Variants in NAA25 observed in about 807,000 individuals in gnomAD.
NAA25 encodes the protein N-alpha-acetyltransferase 25, NatB auxiliary subunit.
Under a neutral mutation model 132.5 loss-of-function variants are expected in NAA25, and 30 were observed. The ratio of observed to expected loss-of-function variants is 0.23; its 90% CI spans 0.17 to 0.31. The LOEUF is 0.31. Among genes scored for constraint, NAA25 ranks in the 10% least tolerant of loss-of-function variants. The pLI is 1.00. For missense variants in NAA25, 771 were observed against 1,150.4 expected (o/e 0.67, Z 4.77); for synonymous variants, 359 against 401.9 (o/e 0.89, Z 1.28).
chr12:112,087,620 A>G, intron 4 of NAA25, 63 bp downstream of exon 4: 2 of 1,161,654 alleles, frequency 1.7e-6, no homozygotes, highest in Non-Finnish European at 2.6e-6. Context: ...TTAAATCACA[A>G]GAAAGAGACT....
At chr12:112,057,012 A>C (rs1450417640) in intron 13 of NAA25, among the ~76,000 whole-genome samples, 1 of 151,918 alleles carries the variant, frequency 6.6e-6, no homozygotes, top group Non-Finnish European at 1.5e-5. Flanking sequence ...ACATGGTAAA[A>C]CCCCGTCTCT....
intron 23 of NAA25, among the ~76,000 whole-genome samples, chr12:112,032,596 A>G (rs1012036763): frequency 2.0e-5 from 3 of 152,274 alleles, no homozygotes; most frequent in Middle Eastern, 6.8e-3. Flanking sequence ...CGACTCCACC[A>G]CTGTCCTTCT....
intron 13 of NAA25, among the ~76,000 whole-genome samples, chr12:112,057,236 A>C (rs2078560480): frequency 1.3e-5 from 2 of 152,176 alleles, no homozygotes; most frequent in African/African-American, 2.4e-5. Flanking sequence ...AAAATAAAAT[A>C]AAATAGTTTA....
chr12:112,053,762 G>T, intron 14 of NAA25, 105 bp from the exon 15 acceptor site: 1 of 616,530 alleles, frequency 1.6e-6, no homozygotes, highest in Non-Finnish European at 2.8e-6. Flanking sequence ...AAATAGCTAG[G>T]CATAAGAAAA....
Position 112,029,396 on chromosome 12 carries a change from T to G in NAA25, c.*135A>C, listed in dbSNP as rs552150175. On this transcript the variant is annotated 3_prime_UTR_variant, in exon 24 of 24. Transcript: ENST00000261745. ...GTATATATTTAACACCTAAAAAAAT[T>G]CACGATCAAAGTCCTTCATGCATTT... 8 of 1,400,148 alleles carry G rather than the reference T, an allele frequency of 5.7e-6. No individual in the cohort carries two copies. Among genetic ancestry groups the G allele is most frequent in the Middle Eastern group, 1.9e-4 (1 of 5,164 alleles). 86.7% of individuals were successfully genotyped at this position (1,400,148 alleles called of 1,614,324 possible).
At chr12:112,060,459 G>A in intron 12 of NAA25, 100 bp from the exon 13 acceptor site, 5 of 699,394 alleles carry the variant, frequency 7.1e-6, no homozygotes, top group South Asian at 1.9e-5. Context: ...GGGAGAGGAG[G>A]AAAAGTAAAA....
rs2078107110 is a variant in NAA25, at chr12:112,028,259, C to T, written c.*1272G>A. 1 of 152,424 alleles carries T rather than the reference C, an allele frequency of 6.6e-6. No individual in the cohort carries two copies. The highest frequency in any genetic ancestry group is 2.4e-5 in the African/African-American group (1 of 41,440). The allele number at this position is 152,424 out of a possible 1,614,324, so 9.4% of individuals were successfully genotyped here. A position where few individuals can be genotyped will look rare whatever the true frequency, so the allele number is the denominator to read the frequency against. On this transcript the variant is annotated 3_prime_UTR_variant, in exon 24 of 24. Transcript: ENST00000261745. ...ATTTCTTTGCTCTTACAGAATTAAA[C>T]TTGAACTATATTTAGGTAACAGACC...
chr12:112,054,663 C>A (rs1026105334), intron 13 of NAA25, 95 bp from the exon 14 acceptor site: 6 of 1,115,152 alleles, frequency 5.4e-6, no homozygotes, highest in South Asian at 4.9e-5. Context: ...CATCACCCCC[C>A]CCAATAAATG....
intron 3 of NAA25, among the ~76,000 whole-genome samples, chr12:112,089,901 G>A (rs1335458353): frequency 6.6e-6 from 1 of 151,394 alleles, no homozygotes; most frequent in African/African-American, 2.4e-5. Context: ...GCCGAGGCAG[G>A]AGAGGATGCA....
At chr12:112,054,640 A>C in intron 13 of NAA25, 72 bp from the exon 14 acceptor site, 3 of 1,363,686 alleles carry the variant, frequency 2.2e-6, no homozygotes, top group Non-Finnish European at 3.0e-6. Context: ...AAAAAACAAA[A>C]CCTTATTGAC....
intron 1 of NAA25, among the ~76,000 whole-genome samples, chr12:112,096,624 TA>T (rs775121115): frequency 6.6e-6 from 1 of 152,184 alleles, no homozygotes; most frequent in Non-Finnish European, 1.5e-5. Flanking sequence ...GAATCACAGA[TA>T]TCTAAAAGCA....
chr12:112,074,682 C>A lies in NAA25; in HGVS notation c.859G>T (p.Gly287Cys), dbSNP rs996702611. The A allele has an allele frequency of 1.2e-6, 2 of 1,603,962 alleles. No homozygotes were observed. The highest frequency in any genetic ancestry group is 1.7e-6 in the Non-Finnish European group (2 of 1,175,096). The change falls in exon 9 of 24, where the codon GGT becomes TGT. Residue 287 changes from glycine (G) to cysteine (C), a missense_variant. This residue lies in a region of NAA25 where 417 missense variants were observed against 733.8 expected (regional missense o/e 0.57). Transcript: ENST00000261745. ...GGAAAGAAGACAACTTACTGTTCAC[C>A]TTCAGCAGGAGGACTCCAGGCCTCT... ...IEEAWSPPAE[G>C]EHSLEGEVHY... is the part of the protein sequence containing the mutation.
intron 1 of NAA25, among the ~76,000 whole-genome samples, chr12:112,104,051 G>A (rs1189382387): frequency 2.0e-5 from 3 of 152,082 alleles, no homozygotes; most frequent in Non-Finnish European, 4.4e-5. Flanking sequence ...CCTAAACTAT[G>A]AACTATAGTG....
intron 17 of NAA25, among the ~76,000 whole-genome samples, chr12:112,045,499 A>AC (rs2078367183): frequency 7.4e-6 from 1 of 134,258 alleles, no homozygotes; most frequent in African/African-American, 3.2e-5. Context: ...AAAAAAAAAA[A>AC]AAAAAAAAAT....
rs868634449 is a variant in NAA25 at position 112,108,638 on chromosome 12, C to T, written c.58+78G>A. 57 of 1,268,632 alleles carry T rather than the reference C, an allele frequency of 4.5e-5. No individual in the cohort carries two copies. In the South Asian group the frequency reaches 7.7e-4, roughly 17 times the overall value. 78.6% of individuals were successfully genotyped at this position (1,268,632 alleles called of 1,614,324 possible). On this transcript the variant is annotated intron_variant, in intron 1 of 23. Coordinates refer to ENST00000261745, the MANE Select transcript of NAA25 (RefSeq NM_024953.4). The stretch of plus-strand genomic sequence containing the variant: ...CCGGCCCGCGCGCCGGCCCTCAGCA[C>T]CCCTCCTGGGCTTTCGCCCCAGCCT...
intron 3 of NAA25, 73 bp downstream of exon 3, chr12:112,090,653 A>T: frequency 5.4e-6 from 8 of 1,490,512 alleles, no homozygotes; most frequent in Non-Finnish European, 7.4e-6. Context: ...GAGAAATCAG[A>T]CAAGGGCAAA....
chr12:112,103,009 T>A (rs1252836410), intron 1 of NAA25, among the ~76,000 whole-genome samples: 1 of 151,396 alleles, frequency 6.6e-6, no homozygotes, highest in Non-Finnish European at 1.5e-5. Context: ...TTTTTTGAGA[T>A]GAAGTCTCGC....
chr12:112,032,087 C>A (rs2078156567), intron 23 of NAA25, among the ~76,000 whole-genome samples: 1 of 151,826 alleles, frequency 6.6e-6, no homozygotes, highest in Non-Finnish European at 1.5e-5. Flanking sequence ...CCTCAGCCTC[C>A]CGAGTAGCTG....
At position 112,092,681 on chromosome 12, in the gene NAA25, C is replaced by G. The variant is rs552811894; in HGVS notation, c.144+370G>C. Among the ~76,000 whole-genome samples, 11 of 149,428 alleles carry G rather than the reference C, an allele frequency of 7.4e-5. No individual in the cohort carries two copies. In the South Asian group the frequency reaches 8.4e-4, roughly 11 times the overall value. ...GAGATTTAACATCCTTTCTCCCCCC[C>G]CTTTTTTTTTTTTTGAGACGGAGTC... On this transcript the variant is annotated intron_variant, in intron 2 of 23. Transcript: ENST00000261745.
Sources: gnomAD v4.1 joint callset for allele counts (sites outside exome capture counted in the v4.1 genomes callset) on GRCh38, gnomAD v4.1.1 for gene constraint, gnomAD v4.1.1 regional missense constraint, MANE v1.5 for transcripts, NCBI Gene and HGNC (gene_info 2026-07-23, HGNC 2026-07-21) for gene names.